The following SYNE1 variants were observed in gnomAD, a reference collection of about 807,000 sequenced individuals.
The protein encoded by SYNE1 is spectrin repeat containing nuclear envelope protein 1.
SYNE1 carries 616 observed loss-of-function variants against 1,111.0 expected under a neutral mutation model. That is an observed-to-expected ratio of 0.55 (90% CI 0.52 to 0.59). The LOEUF is 0.59. Among genes scored for constraint, SYNE1 ranks in the 20% least tolerant of loss-of-function variants. The pLI is 0.00. For missense variants in SYNE1, 10,006 were observed against 10,417.0 expected (o/e 0.96, Z 1.72); for synonymous variants, 3,855 against 3,825.8 (o/e 1.01, Z -0.28).
intron 55 of SYNE1, 81 bp from the exon 56 acceptor site, chr6:152,381,443 A>T (rs748105300): frequency 3.6e-5 from 51 of 1,410,380 alleles, no homozygotes; most frequent in Non-Finnish European, 4.9e-5. Flanking sequence ...ACACAGGGGG[A>T]CCCTGTCCTG....
intron 140 of SYNE1, among the ~76,000 whole-genome samples, chr6:152,139,742 AAAG>A (rs2058112261): frequency 6.9e-6 from 1 of 145,928 alleles, no homozygotes; most frequent in Non-Finnish European, 1.5e-5. Flanking sequence ...AGAAAGAAAG[AAAG>A]AAAGAAAAGA....
chr6:152,128,764 C>T (rs919999764), intron 145 of SYNE1: 1 of 152,174 alleles, frequency 6.6e-6, no homozygotes, highest in Non-Finnish European at 1.5e-5. Context: ...AGATTAAACA[C>T]GAGATATCTC....
rs750155092 is a variant in SYNE1, at chr6:152,325,252, C to T, written c.15489G>A (p.Glu5163=). 34 of 1,614,066 alleles carry T rather than the reference C, an allele frequency of 2.1e-5. No homozygotes were observed. Among genetic ancestry groups the T allele is most frequent in the Admixed American group, 1.0e-4 (6 of 60,004 alleles). Residue 5163 remains glutamate, a synonymous_variant, in exon 81 of 146, where the codon GAG becomes GAA. Coordinates refer to ENST00000367255, the MANE Select transcript of SYNE1 (RefSeq NM_182961.4). ...TTTTCTCCAGTTGTGAAGCTTTTTC[C>T]TCAAGGGCCACAATTTTCTCATGGA... is the stretch of plus-strand genomic sequence containing the variant. The part of the protein sequence containing the change: ...NSFHEKIVAL[E]EKASQLEKTG...
In SYNE1 at chr6:152,347,052, C is replaced by T. The variant is rs755325107; in HGVS notation, c.12078+7G>A. 1 of 1,614,066 alleles carries T rather than the reference C, an allele frequency of 6.2e-7. No homozygotes were observed. The highest frequency in any genetic ancestry group is 1.1e-5 in the South Asian group (1 of 91,066). ...TTGTCACTGTGGAATGTTCTGGGGG[C>T]ACTCACCCTCTGAGCTGTGCTGCAG... On this transcript the variant is annotated splice_region_variant and intron_variant, in intron 73 of 145. Transcript: ENST00000367255.
chr6:152,151,844 A>T, intron 134 of SYNE1, 115 bp downstream of exon 134: 1 of 1,488,926 alleles, frequency 6.7e-7, no homozygotes, highest in Non-Finnish European at 9.2e-7. Context: ...TCCCCGGTTT[A>T]CTCCTCCTGC....
chr6:152,481,249 A>G, intron 14 of SYNE1: 1 of 214,876 alleles, frequency 4.7e-6, no homozygotes, highest in Non-Finnish European at 9.5e-6. Flanking sequence ...AGACCTCTAG[A>G]TTGGAGGCAC....
chr6:152,149,631 A>G lies in SYNE1; in HGVS notation c.24488T>C (p.Ile8163Thr), dbSNP rs139643725. Residue 8163 changes from isoleucine to threonine, a missense_variant, in exon 136 of 146, where the codon ATT (isoleucine) becomes ACT (threonine). By Grantham distance (89) the Ile-to-Thr change is moderately conservative. Transcript: ENST00000367255. ...TTCTCCTTGGGCAATTATCTGCTCA[A>G]TCTTATTGTGGTTCAGTGAAATTTC... ...QQEISLNHNK[I>T]EQIIAQGEQL... 2.4e-4 allele frequency: 387 copies of G among 1,614,124 alleles called. No homozygotes were observed. The highest frequency in any genetic ancestry group is 8.5e-4 in the African/African-American group (64 of 75,018).
intron 115 of SYNE1, 65 bp downstream of exon 115, chr6:152,230,482 A>G: frequency 6.6e-7 from 1 of 1,511,008 alleles, no homozygotes; most frequent in Non-Finnish European, 9.2e-7. Flanking sequence ...CTCAAGGCCT[A>G]TAAACATATT....
intron 128 of SYNE1, among the ~76,000 whole-genome samples, chr6:152,187,393 G>A (rs1394796757): frequency 6.6e-6 from 1 of 152,112 alleles, no homozygotes; most frequent in Non-Finnish European, 1.5e-5. Context: ...GAAGTATGAG[G>A]ATAAGCATCT....
At chr6:152,347,281 A>C in intron 72 of SYNE1, 46 bp from the exon 73 acceptor site, 1 of 1,604,388 alleles carries the variant, frequency 6.2e-7, no homozygotes, top group East Asian at 2.2e-5. Context: ...TCTACTTTTA[A>C]GTAACTTATC....
At chr6:152,626,266 A>G (rs751481073) in intron 3 of SYNE1, among the ~76,000 whole-genome samples, 3 of 145,756 alleles carry the variant, frequency 2.1e-5, no homozygotes, top group Non-Finnish European at 3.1e-5. Context: ...GCTGTTTGCA[A>G]CTTTCACTTA....
chr6:152,428,144 A>T, intron 37 of SYNE1, 61 bp downstream of exon 37: 3 of 1,599,278 alleles, frequency 1.9e-6, no homozygotes, highest in Non-Finnish European at 2.6e-6. Flanking sequence ...TCACTTTAAG[A>T]ACTGCTAATC....
At chr6:152,555,708 A>G (rs2099362789) in intron 3 of SYNE1, among the ~76,000 whole-genome samples, 1 of 152,222 alleles carries the variant, frequency 6.6e-6, no homozygotes, top group African/African-American at 2.4e-5. Flanking sequence ...GAATTCATGT[A>G]ATTTGATAAA....
chr6:152,303,098 C>CTTTTT (rs71017533), intron 91 of SYNE1, among the ~76,000 whole-genome samples: 2 of 107,088 alleles, frequency 1.9e-5, no homozygotes, highest in Non-Finnish European at 3.6e-5. Flanking sequence ...AACTATTATT[C>CTTTTT]TTTTTTTTTT....
At chr6:152,615,889 A>G (rs2099644674) in intron 3 of SYNE1, among the ~76,000 whole-genome samples, 1 of 152,232 alleles carries the variant, frequency 6.6e-6, no homozygotes, top group African/African-American at 2.4e-5. Context: ...TCTTCACTGA[A>G]TAAGACAAAG....
chr6:152,581,514 A>AT (rs2099519395), intron 3 of SYNE1, among the ~76,000 whole-genome samples: 2 of 152,228 alleles, frequency 1.3e-5, no homozygotes, highest in African/African-American at 4.8e-5. Context: ...TGCAGTTACC[A>AT]TGTGGTGAGT....
intron 10 of SYNE1, among the ~76,000 whole-genome samples, chr6:152,501,334 T>C (rs1457602923): frequency 4.6e-5 from 7 of 152,176 alleles, no homozygotes; most frequent in Non-Finnish European, 1.0e-4. Context: ...GGACAAACTT[T>C]CTGGTTGGAG....
chr6:152,356,214 G>A (rs1476759145), intron 66 of SYNE1, among the ~76,000 whole-genome samples: 6 of 151,574 alleles, frequency 4.0e-5, no homozygotes, highest in Admixed American at 3.3e-4. Flanking sequence ...AACCACAGAC[G>A]ATACATAAAT....
chr6:152,362,739 A>G (rs1222662432), intron 63 of SYNE1, among the ~76,000 whole-genome samples: 1 of 152,168 alleles, frequency 6.6e-6, no homozygotes, highest in Non-Finnish European at 1.5e-5. Flanking sequence ...AAAAGTAAGA[A>G]CAGTAACCAC....
Sources: gnomAD v4.1 joint callset for allele counts (sites outside exome capture counted in the v4.1 genomes callset) on GRCh38, gnomAD v4.1.1 for gene constraint, MANE v1.5 for transcripts, NCBI Gene and HGNC (gene_info 2026-07-23, HGNC 2026-07-21) for gene names.